The following ARHGAP31 variants were observed in gnomAD, a reference collection of about 807,000 sequenced individuals.
ARHGAP31 encodes the protein rho GTPase-activating protein 31.
In ARHGAP31, 34 loss-of-function variants were observed where a neutral mutation model predicts 113.9. That is an observed-to-expected ratio of 0.30 (90% CI 0.23 to 0.40). The LOEUF (loss-of-function observed/expected upper bound fraction) is 0.40. ARHGAP31 is among the 10% of genes least tolerant of loss of function. The pLI is 1.00. For missense variants in ARHGAP31, 1,548 were observed against 1,767.1 expected (o/e 0.88, Z 2.22); for synonymous variants, 650 against 684.8 (o/e 0.95, Z 0.79).
In ARHGAP31 at chr3:119,390,940, A is replaced by G. The variant is rs2080498689; in HGVS notation, c.838A>G (p.Met280Val). Reference protein sequence around the residue: ...ENSLPEIVPPMGTLFHTVLEL... With the variant: ...ENSLPEIVPPVGTLFHTVLEL... The stretch of plus-strand genomic sequence containing the variant: ...CAGCCTGCCTGAGATTGTCCCTCCC[A>G]TGGGCACCCTCTTCCACACTGTCCT... The change falls in exon 7 of 12, where the codon ATG (methionine) becomes GTG (valine). Residue 280 changes from methionine to valine, a missense_variant. Coordinates refer to ENST00000264245, the MANE Select transcript of ARHGAP31 (RefSeq NM_020754.4). 3 of 1,614,210 alleles carry G rather than the reference A, an allele frequency of 1.9e-6. No homozygotes were observed. Among genetic ancestry groups the G allele is most frequent in the African/African-American group, 1.3e-5 (1 of 75,060 alleles).
chr3:119,338,723 A>G (rs969084229), intron 1 of ARHGAP31, among the ~76,000 whole-genome samples: 7 of 152,250 alleles, frequency 4.6e-5, no homozygotes, highest in African/African-American at 1.7e-4. Flanking sequence ...TTAAAACTAA[A>G]AAGCAAAATC....
In ARHGAP31 at chr3:119,328,718, G is replaced by A. The variant is rs1021767592; in HGVS notation, c.100+33714G>A. ...TGCAATGGCGCGATCTTGGCTCACT[G>A]CAACCTCCGCCTCCTGAGTTCAAGC... is the stretch of plus-strand genomic sequence containing the variant. On this transcript the variant is annotated intron_variant, in intron 1 of 11. Coordinates refer to ENST00000264245, the MANE Select transcript of ARHGAP31 (RefSeq NM_020754.4). 6.6e-5 allele frequency among the ~76,000 whole-genome samples: 10 copies of A among 151,818 alleles called. No individual in the cohort carries two copies. In the South Asian group the frequency reaches 1.7e-3, roughly 25 times the overall value.
chr3:119,395,012 A>G (rs2080537458), intron 8 of ARHGAP31, among the ~76,000 whole-genome samples: 3 of 152,230 alleles, frequency 2.0e-5, no homozygotes, highest in Admixed American at 2.0e-4. Context: ...ATAAATATCA[A>G]TATAGAAATA....
intron 1 of ARHGAP31, among the ~76,000 whole-genome samples, chr3:119,352,963 C>G (rs373009745): frequency 1.3e-5 from 2 of 152,132 alleles, no homozygotes; most frequent in East Asian, 3.9e-4. Flanking sequence ...TCTCTGTTTC[C>G]TGCCCCAAAA....
intron 3 of ARHGAP31, among the ~76,000 whole-genome samples, chr3:119,375,606 G>A (rs1237355851): frequency 6.6e-6 from 1 of 152,130 alleles, no homozygotes; most frequent in Non-Finnish European, 1.5e-5. Context: ...TCAACCTACT[G>A]TATTTCATTT....
chr3:119,371,464 C>T (rs1457015945), intron 3 of ARHGAP31, among the ~76,000 whole-genome samples: 1 of 152,142 alleles, frequency 6.6e-6, no homozygotes, highest in East Asian at 1.9e-4. Flanking sequence ...GTTATGACAA[C>T]TAACTCTATA....
At chr3:119,354,023 C>A (rs1393198956) in intron 1 of ARHGAP31, among the ~76,000 whole-genome samples, 1 of 152,108 alleles carries the variant, frequency 6.6e-6, no homozygotes, top group Non-Finnish European at 1.5e-5. Flanking sequence ...ACAGAGTGGA[C>A]CAGAGGAGGA....
At chr3:119,329,701 G>A (rs141938700) in intron 1 of ARHGAP31, 7,481 of 740,916 alleles carry the variant, frequency 0.01, 54 homozygotes, top group Non-Finnish European at 0.011. Flanking sequence ...GGGGAACTTC[G>A]AAACAGGACT....
chr3:119,309,747 G>A lies in ARHGAP31; in HGVS notation c.100+14743G>A, dbSNP rs183450170. On this transcript the variant is annotated intron_variant, in intron 1 of 11. Transcript: ENST00000264245. ...TGCATTCCAGCCTGAGACAGAGTGA[G>A]ACTCTGTCTCAAAAAAAACTATCCC... Among the ~76,000 whole-genome samples, 84 of 151,908 alleles carry A rather than the reference G, an allele frequency of 5.5e-4. 2 individuals are homozygous for A. In the East Asian group the frequency reaches 0.013, roughly 24 times the overall value.
At chr3:119,296,333 C>T (rs2079533324) in intron 1 of ARHGAP31, among the ~76,000 whole-genome samples, 1 of 152,216 alleles carries the variant, frequency 6.6e-6, no homozygotes, top group South Asian at 2.1e-4. Flanking sequence ...CATAACTTAA[C>T]ACTTCATTGA....
intron 3 of ARHGAP31, among the ~76,000 whole-genome samples, chr3:119,375,395 TTTC>T (rs538603439): frequency 1.3e-5 from 2 of 152,302 alleles, no homozygotes; most frequent in South Asian, 4.1e-4. Context: ...CACATTGCCT[TTTC>T]TTCTTCTGTC....
Position 119,409,558 on chromosome 3 carries a change from G to A in ARHGAP31, c.1708G>A (p.Val570Met), listed in dbSNP as rs774128132. 1.2e-6 allele frequency: 2 copies of A among 1,614,246 alleles called. No homozygotes were observed. Among genetic ancestry groups the A allele is most frequent in the South Asian group, 1.1e-5 (1 of 91,092 alleles). ...GGCAGTACCTGAAGCACCGGGGACA[G>A]TGGAATGCAGCAAAGGCCTGTCCCA... Reference protein sequence around the residue: ...AKAVPEAPGTVECSKGLSQEP... With the variant: ...AKAVPEAPGTMECSKGLSQEP... Residue 570 changes from valine to methionine, a missense_variant, in exon 11 of 12, where the codon GTG becomes ATG. Transcript: ENST00000264245.
rs200224777 is a variant in ARHGAP31, at chr3:119,415,729, C to T, written c.3800C>T (p.Pro1267Leu). 13 of 1,614,026 alleles carry T rather than the reference C, an allele frequency of 8.1e-6. No homozygotes were observed. The African/African-American group carries it at 1.6e-4, about 20-fold the overall frequency. ...AAGGAAGAAAAACCAAAGCAAGATC[C>T]CGGAGCCATTAAGTCCTCACCAGTG... ...SSKEEKPKQDPGAIKSSPVDA... is the reference protein window; with the variant it reads ...SSKEEKPKQDLGAIKSSPVDA... Residue 1267 changes from proline (P) to leucine (L), a missense_variant, in exon 12 of 12, where the codon CCC (proline) becomes CTC (leucine). Pro to Leu is a moderately conservative substitution (Grantham distance 98). Coordinates refer to ENST00000264245, the MANE Select transcript of ARHGAP31 (RefSeq NM_020754.4).
chr3:119,338,825 G>A (rs776654749), intron 1 of ARHGAP31, among the ~76,000 whole-genome samples: 7 of 152,162 alleles, frequency 4.6e-5, no homozygotes, highest in Admixed American at 6.6e-5. Context: ...AAAATCACCT[G>A]TTCCAGATGT....
intron 1 of ARHGAP31, among the ~76,000 whole-genome samples, chr3:119,336,584 A>G (rs1024091853): frequency 1.1e-4 from 16 of 152,228 alleles, no homozygotes; most frequent in Admixed American, 5.9e-4. Context: ...CCTCCCCACA[A>G]AATATTTTGT....
At position 119,414,888 on chromosome 3, in the gene ARHGAP31, C is replaced by CT; in HGVS notation, c.2961dup (p.Gln988SerfsTer14). 6.2e-7 allele frequency: 1 copy of CT among 1,614,208 alleles called. No individual in the cohort carries two copies. Among genetic ancestry groups the CT allele is most frequent in the Non-Finnish European group, 8.5e-7 (1 of 1,180,026 alleles). On this transcript the variant is annotated frameshift_variant, in exon 12 of 12. Transcript: ENST00000264245. LOFTEE classifies it high-confidence loss of function. Reference sequence around the variant, plus strand: ...TGAAACAGAGAGGAATTCTGACCCTCTTCAGCCCCAGGCACCCAGGAGAGA... The same window carrying CT: ...TGAAACAGAGAGGAATTCTGACCCTCTTTCAGCCCCAGGCACCCAGGAGAGA...
At chr3:119,304,709 C>T (rs2079614998) in intron 1 of ARHGAP31, among the ~76,000 whole-genome samples, 1 of 152,048 alleles carries the variant, frequency 6.6e-6, no homozygotes, top group African/African-American at 2.4e-5. Context: ...TGTCTATCCC[C>T]TGCCCAAGCA....
Position 119,417,947 on chromosome 3 carries a change from T to G in ARHGAP31, c.*1683T>G, listed in dbSNP as rs2080792464. 1 of 152,114 alleles carries G rather than the reference T, an allele frequency of 6.6e-6. No individual in the cohort carries two copies. The highest frequency in any genetic ancestry group is 6.6e-5 in the Admixed American group (1 of 15,266). 9.4% of individuals were successfully genotyped at this position (152,114 alleles called of 1,614,324 possible). A position where few individuals can be genotyped will look rare whatever the true frequency, so the allele number is the denominator to read the frequency against. On this transcript the variant is annotated 3_prime_UTR_variant, in exon 12 of 12. Transcript: ENST00000264245. ...GTCACAACCAAGGCTGGTTCTGGGC[T>G]TAGTGGGGGCTGAGATGAAGTTACC... is the stretch of plus-strand genomic sequence containing the variant.
intron 1 of ARHGAP31, among the ~76,000 whole-genome samples, chr3:119,295,272 A>T (rs2079522777): frequency 6.6e-6 from 1 of 151,400 alleles, no homozygotes; most frequent in African/African-American, 2.4e-5. Context: ...CCGCAAGTTT[A>T]CCGGGCCACC....
Sources: gnomAD v4.1 joint callset for allele counts (sites outside exome capture counted in the v4.1 genomes callset) on GRCh38, gnomAD v4.1.1 for gene constraint, MANE v1.5 for transcripts, NCBI Gene and HGNC (gene_info 2026-07-23, HGNC 2026-07-21) for gene names.